Variants in AQR observed in about 807,000 individuals in gnomAD.
AQR encodes the protein RNA helicase aquarius.
AQR carries 61 observed loss-of-function variants against 180.5 expected under a neutral mutation model. The observed-to-expected ratio is 0.34, with a 90% CI of 0.28 to 0.42. The LOEUF is 0.42. Among genes scored for constraint, AQR ranks in the 10% least tolerant of loss-of-function variants. The probability of loss-of-function intolerance (pLI) is 1.00; values close to 1 mark genes in which losing one functional copy is unlikely to be tolerated. For synonymous variants in AQR, 551 were observed against 588.8 expected (o/e 0.94, Z 0.93); for missense variants, 1,281 against 1,798.3 (o/e 0.71, Z 5.20).
At chr15:34,931,206 A>G (rs1302686242) in intron 11 of AQR, among the ~76,000 whole-genome samples, 1 of 152,086 alleles carries the variant, frequency 6.6e-6, no homozygotes, top group African/African-American at 2.4e-5. Flanking sequence ...CATGGCCATC[A>G]AAGTCCTTTG....
Position 34,856,964 on chromosome 15 carries a change from T to C in AQR, c.4286A>G (p.Glu1429Gly). The change falls in exon 35 of 35, where the codon GAA (glutamate) becomes GGA (glycine). Residue 1429 changes from glutamate (E) to glycine (G), a missense_variant. This residue lies in a region of AQR where 182 missense variants were observed against 185.3 expected (regional missense o/e 0.98). Coordinates refer to ENST00000156471, the MANE Select transcript of AQR (RefSeq NM_014691.3). ...GGTGTCAGTTTGAAAGGCTGGAGTT[T>C]CTTGACGGCAGCTGGTGTCTGTTGG... ...PSPTDTSCRQ[E>G]TPAFQTDTTP... 1 of 1,614,146 alleles carries C rather than the reference T, an allele frequency of 6.2e-7. No homozygotes were observed. The highest frequency in any genetic ancestry group is 1.7e-5 in the Admixed American group (1 of 60,020).
At position 34,904,468 on chromosome 15, in the gene AQR, C is replaced by G; in HGVS notation, c.1869G>C (p.Arg623Ser). The G allele has an allele frequency of 6.2e-7, 1 of 1,611,850 alleles. No homozygotes were observed. The highest frequency in any genetic ancestry group is 8.5e-7 in the Non-Finnish European group (1 of 1,179,044). ...TTGGATCCAAAAACACTCTAAATGT[C>G]CTTGATTCTCCTCTAAGATTGGGTC... Reference protein sequence around the residue: ...EPRPNLRGESRTFRVFLDPNQ... With the variant: ...EPRPNLRGESSTFRVFLDPNQ... The change falls in exon 19 of 35, where the codon AGG (arginine) becomes AGC (serine). Residue 623 changes from arginine to serine, a missense_variant. Physicochemically the swap from Arg to Ser is moderately radical, Grantham distance 110 (BLOSUM62 -1). Coordinates refer to ENST00000156471, the MANE Select transcript of AQR (RefSeq NM_014691.3).
At chr15:34,958,377 A>G (rs1894360239) in intron 3 of AQR, among the ~76,000 whole-genome samples, 1 of 151,030 alleles carries the variant, frequency 6.6e-6, no homozygotes, top group South Asian at 2.1e-4. Flanking sequence ...TTAGCTGGGC[A>G]TGGTGGTTTG....
chr15:34,946,924 C>T (rs1894136305), intron 5 of AQR, among the ~76,000 whole-genome samples: 1 of 150,406 alleles, frequency 6.6e-6, no homozygotes, highest in African/African-American at 2.4e-5. Flanking sequence ...CCGCCCCATC[C>T]GGGAGGTGAG....
chr15:34,866,363 A>G (rs1264239010), intron 32 of AQR, among the ~76,000 whole-genome samples: 1 of 152,170 alleles, frequency 6.6e-6, no homozygotes, highest in Non-Finnish European at 1.5e-5. Flanking sequence ...AAATAAATTT[A>G]AGTTATTGGG....
At chr15:34,880,355 C>G (rs530521081) in intron 27 of AQR, among the ~76,000 whole-genome samples, 312 of 152,242 alleles carry the variant, frequency 2.0e-3, no homozygotes, top group Non-Finnish European at 3.8e-3. Flanking sequence ...CAGAATCTGA[C>G]ATATGAGAAA....
At chr15:34,871,998 C>G (rs533329281) in intron 30 of AQR, among the ~76,000 whole-genome samples, 174 of 148,204 alleles carry the variant, frequency 1.2e-3, no homozygotes, top group Admixed American at 1.8e-3. Flanking sequence ...GCAAAGGCAA[C>G]CGAAAGATTA....
At chr15:34,912,399 T>A (rs1893514462) in intron 16 of AQR, among the ~76,000 whole-genome samples, 1 of 152,172 alleles carries the variant, frequency 6.6e-6, no homozygotes, top group Non-Finnish European at 1.5e-5. Context: ...CTTTCATTTC[T>A]GAAGGACCTC....
chr15:34,874,662 TCC>T lies in AQR; in HGVS notation c.3425+13_3425+14del. ...GTCCTTAAATGGGAATGATTTTTTTTCCTGTCTCTTTTACCTTGCTCTGGCTC... is the reference window on the plus strand; with the variant it reads ...GTCCTTAAATGGGAATGATTTTTTTTTGTCTCTTTTACCTTGCTCTGGCTC... On this transcript the variant is annotated intron_variant, in intron 29 of 34. Coordinates refer to ENST00000156471, the MANE Select transcript of AQR (RefSeq NM_014691.3). The T allele has an allele frequency of 6.2e-7, 1 of 1,610,686 alleles. No individual in the cohort carries two copies.
At chr15:34,943,465 A>G in intron 6 of AQR, 1 of 488,604 alleles carries the variant, frequency 2.0e-6, no homozygotes, top group Admixed American at 3.9e-5. Flanking sequence ...ATAAATAAAT[A>G]AATAAATAAA....
chr15:34,874,815 T>C lies in AQR; in HGVS notation c.3287A>G (p.Asp1096Gly). 1 of 1,613,874 alleles carries C rather than the reference T, an allele frequency of 6.2e-7. No homozygotes were observed. The highest frequency in any genetic ancestry group is 8.5e-7 in the Non-Finnish European group (1 of 1,179,822). Residue 1096 changes from aspartate to glycine, a missense_variant, in exon 29 of 35, where the codon GAT (aspartate) becomes GGT (glycine). This residue lies in a region of AQR where 197 missense variants were observed against 320.7 expected (regional missense o/e 0.61). Coordinates refer to ENST00000156471, the MANE Select transcript of AQR (RefSeq NM_014691.3). The part of the protein sequence containing the change: ...SRLKRWIMIG[D>G]HHQLPPVIKN... The stretch of plus-strand genomic sequence containing the variant: ...AATAACTGGAGGTAACTGGTGATGA[T>C]CGCCAATCATAATCCATCGTTTTAG...
chr15:34,912,286 T>A (rs1893512390), intron 16 of AQR, among the ~76,000 whole-genome samples: 1 of 152,184 alleles, frequency 6.6e-6, no homozygotes, highest in Non-Finnish European at 1.5e-5. Flanking sequence ...GGCAGCTTTT[T>A]ATTTCAGCTT....
intron 26 of AQR, 85 bp from the exon 27 acceptor site, chr15:34,882,724 T>A: frequency 8.4e-7 from 1 of 1,187,866 alleles, no homozygotes; most frequent in Non-Finnish European, 1.1e-6. Flanking sequence ...ACTTAATTCC[T>A]GAGAAATTAA....
intron 17 of AQR, among the ~76,000 whole-genome samples, chr15:34,909,273 G>T (rs924534964): frequency 2.0e-5 from 3 of 152,196 alleles, no homozygotes; most frequent in Non-Finnish European, 4.4e-5. Flanking sequence ...AGGGCTTTAA[G>T]TAAGACCTCT....
intron 9 of AQR, among the ~76,000 whole-genome samples, chr15:34,934,978 GTTTTA>G (rs1893924140): frequency 6.6e-6 from 1 of 152,072 alleles, no homozygotes; most frequent in African/African-American, 2.4e-5. Context: ...CTAGAAGGCA[GTTTTA>G]TATCAGGTTT....
chr15:34,897,817 G>T (rs1893272150), intron 20 of AQR, 112 bp from the exon 21 acceptor site: 1 of 1,186,184 alleles, frequency 8.4e-7, no homozygotes, highest in South Asian at 1.5e-5. Context: ...AACATTTCTG[G>T]CTTAAAGGAA....
chr15:34,858,320 CAAAAA>C, intron 34 of AQR, among the ~76,000 whole-genome samples: 1 of 86,054 alleles, frequency 1.2e-5, no homozygotes, highest in African/African-American at 4.5e-5. Context: ...ACGACAGCAG[CAAAAA>C]AAAAAAAAAA....
At position 34,856,773 on chromosome 15, in the gene AQR, TAGA is replaced by T. The variant is rs1566977024; in HGVS notation, c.*16_*18del. On this transcript the variant is annotated 3_prime_UTR_variant, in exon 35 of 35. Coordinates refer to ENST00000156471, the MANE Select transcript of AQR (RefSeq NM_014691.3). ...ACTTTTTGACTGCCATGTCCTCCTTTAGAAGGACTACAGTTTGGCTACTTGGTC... is the reference window on the plus strand; with the variant it reads ...ACTTTTTGACTGCCATGTCCTCCTTTAGGACTACAGTTTGGCTACTTGGTC... 6.7e-7 allele frequency: 1 copy of T among 1,493,396 alleles called. No individual in the cohort carries two copies. Among genetic ancestry groups the T allele is most frequent in the Non-Finnish European group, 8.9e-7 (1 of 1,120,794 alleles). 92.5% of individuals were successfully genotyped at this position (1,493,396 alleles called of 1,614,324 possible). A position where few individuals can be genotyped will look rare whatever the true frequency, so the allele number is the denominator to read the frequency against.
chr15:34,966,072 T>C (rs754188514), intron 1 of AQR, among the ~76,000 whole-genome samples: 1 of 152,194 alleles, frequency 6.6e-6, no homozygotes, highest in Non-Finnish European at 1.5e-5. Flanking sequence ...TCAAACTCTC[T>C]AGTCTCATGT....
Sources: gnomAD v4.1 joint callset for allele counts (sites outside exome capture counted in the v4.1 genomes callset) on GRCh38, gnomAD v4.1.1 for gene constraint, gnomAD v4.1.1 regional missense constraint, MANE v1.5 for transcripts, NCBI Gene and HGNC (gene_info 2026-07-23, HGNC 2026-07-21) for gene names.